The following PBX1 variants were observed in gnomAD, a reference collection of about 807,000 sequenced individuals.
The protein encoded by PBX1 is PBX homeobox 1, also known as pre-B-cell leukemia transcription factor 1.
Under a neutral mutation model 53.4 loss-of-function variants are expected in PBX1, and 6 were observed. The ratio of observed to expected loss-of-function variants is 0.11; its 90% CI spans 0.06 to 0.22. The LOEUF (loss-of-function observed/expected upper bound fraction) is 0.22. Ranked by LOEUF, PBX1 falls within the 10% of genes least tolerant of loss-of-function variation. The probability of loss-of-function intolerance (pLI) is 1.00; values close to 1 mark genes in which losing one functional copy is unlikely to be tolerated. For synonymous variants in PBX1, 204 were observed against 212.3 expected (o/e 0.96, Z 0.34); for missense variants, 251 against 551.4 (o/e 0.46, Z 5.46).
intron 2 of PBX1, among the ~76,000 whole-genome samples, chr1:164,861,685 G>A (rs1482602509): frequency 6.6e-6 from 1 of 152,078 alleles, no homozygotes; most frequent in South Asian, 2.1e-4. Flanking sequence ...GGTAAGAAAG[G>A]AGGGTAGAAG....
intron 5 of PBX1, 143 bp downstream of exon 5, chr1:164,807,820 T>G: frequency 1.1e-6 from 1 of 914,010 alleles, no homozygotes; most frequent in Non-Finnish European, 1.6e-6. Context: ...GGTAAGCACT[T>G]GATGTGTATG....
intron 2 of PBX1, chr1:164,771,119 T>C (rs1667347250): frequency 6.6e-6 from 1 of 152,086 alleles, no homozygotes; most frequent in Non-Finnish European, 1.5e-5. Flanking sequence ...CGCCAGGGGA[T>C]TTCAGTGTTT....
intron 7 of PBX1, among the ~76,000 whole-genome samples, chr1:164,820,830 CA>C (rs916805851): frequency 1.3e-5 from 2 of 152,122 alleles, no homozygotes; most frequent in Non-Finnish European, 2.9e-5. Flanking sequence ...CAGCATGAAA[CA>C]TGTTGTGAGA....
At chr1:164,660,731 G>T (rs1411964236) in intron 2 of PBX1, among the ~76,000 whole-genome samples, 1 of 152,154 alleles carries the variant, frequency 6.6e-6, no homozygotes, top group African/African-American at 2.4e-5. Context: ...GCCTTTGCTA[G>T]TCATTGAGGT....
intron 2 of PBX1, among the ~76,000 whole-genome samples, chr1:164,664,824 G>A (rs1233258514): frequency 1.3e-5 from 2 of 152,172 alleles, no homozygotes; most frequent in South Asian, 2.1e-4. Context: ...AATACTGTCA[G>A]ATCTCGTGAG....
Position 164,812,052 on chromosome 1 carries a change from G to A in PBX1, c.900G>A (p.Glu300=), listed in dbSNP as rs764232094. The A allele has an allele frequency of 1.9e-5, 31 of 1,613,664 alleles. No homozygotes were observed. The highest frequency in any genetic ancestry group is 6.8e-6 in the Non-Finnish European group (8 of 1,179,824). The change falls in exon 6 of 9, where the codon GAG becomes GAA. Residue 300 remains glutamate (E), a synonymous_variant. Coordinates refer to ENST00000420696, the MANE Select transcript of PBX1 (RefSeq NM_002585.4). ...RYKKNIGKFQ[E]EANIYAAKTA... is the part of the protein sequence containing the mutation. Reference sequence around the variant, plus strand: ...AGAAGAACATAGGTAAATTTCAAGAGGAAGCCAATATTTATGCTGCCAAAA... The same window carrying A: ...AGAAGAACATAGGTAAATTTCAAGAAGAAGCCAATATTTATGCTGCCAAAA...
At chr1:164,596,699 A>AT (rs1437670358) in intron 2 of PBX1, among the ~76,000 whole-genome samples, 1 of 152,180 alleles carries the variant, frequency 6.6e-6, no homozygotes, top group East Asian at 1.9e-4. Context: ...TAGACACAGC[A>AT]TTTAACTTTT....
At chr1:164,603,929 ATTTTTTTTTTTTTTTT>A (rs71583414) in intron 2 of PBX1, among the ~76,000 whole-genome samples, 10 of 75,738 alleles carry the variant, frequency 1.3e-4, no homozygotes, top group East Asian at 6.3e-4. Context: ...ATGTCATTTC[ATTTTTTTTTTTTTTTT>A]TTTTTTTTTT....
At chr1:164,721,343 T>C (rs936972380) in intron 2 of PBX1, among the ~76,000 whole-genome samples, 1 of 152,044 alleles carries the variant, frequency 6.6e-6, no homozygotes, top group South Asian at 2.1e-4. Flanking sequence ...GGCTTTCTAC[T>C]TGATTCTCAG....
At chr1:164,717,685 G>C (rs140027179) in intron 2 of PBX1, among the ~76,000 whole-genome samples, 1 of 152,198 alleles carries the variant, frequency 6.6e-6, no homozygotes, top group African/African-American at 2.4e-5. Context: ...ATGAAACAAA[G>C]CATTTATTTC....
chr1:164,750,303 C>T (rs1459261362), intron 2 of PBX1, among the ~76,000 whole-genome samples: 9 of 152,000 alleles, frequency 5.9e-5, no homozygotes, highest in East Asian at 1.9e-4. Context: ...AGTATTTAGA[C>T]CCCATTAGTG....
chr1:164,701,372 C>T (rs1263584323), intron 2 of PBX1, among the ~76,000 whole-genome samples: 2 of 152,194 alleles, frequency 1.3e-5, no homozygotes, highest in Admixed American at 1.3e-4. Flanking sequence ...AGTGCCACTC[C>T]AGTTTCAGAA....
chr1:164,787,222 C>A (rs961800275), intron 2 of PBX1, among the ~76,000 whole-genome samples: 1 of 152,122 alleles, frequency 6.6e-6, no homozygotes, highest in African/African-American at 2.4e-5. Flanking sequence ...TTGCACACAC[C>A]GTTGGGAGGC....
chr1:164,671,413 G>A (rs1318296335), intron 2 of PBX1, among the ~76,000 whole-genome samples: 1 of 152,146 alleles, frequency 6.6e-6, no homozygotes, highest in Non-Finnish European at 1.5e-5. Context: ...ACTGCACGTT[G>A]ACATTAAAGA....
intron 2 of PBX1, among the ~76,000 whole-genome samples, chr1:164,644,592 G>A (rs1659341276): frequency 6.6e-6 from 1 of 151,582 alleles, no homozygotes; most frequent in Non-Finnish European, 1.5e-5. Flanking sequence ...TGGAGATAAA[G>A]TTGGAAGTTA....
intron 2 of PBX1, among the ~76,000 whole-genome samples, chr1:164,792,100 C>G (rs1432699643): frequency 6.6e-6 from 1 of 152,102 alleles, no homozygotes; most frequent in Non-Finnish European, 1.5e-5. Context: ...GCCGAATTTA[C>G]CATTTTAAAC....
chr1:164,788,386 G>GT lies in PBX1; in HGVS notation c.266-4093dup, dbSNP rs59857388. On this transcript the variant is annotated intron_variant, in intron 2 of 8. Coordinates refer to ENST00000420696, the MANE Select transcript of PBX1 (RefSeq NM_002585.4). ...TTTCATTTATTTATTTAATGTTGGT[G>GT]TTTTTTTTTTTTTTTAACCGCCGAG... Among the ~76,000 whole-genome samples, 402 of 140,230 alleles carry GT rather than the reference G, an allele frequency of 2.9e-3. 1 individual carries two copies. Among genetic ancestry groups the GT allele is most frequent in the South Asian group, 0.018 (77 of 4,302 alleles). The allele number at this position is 140,230 out of a possible 152,430, so 92.0% of individuals were successfully genotyped here. A position where few individuals can be genotyped will look rare whatever the true frequency, so the allele number is the denominator to read the frequency against.
At chr1:164,671,790 G>C (rs1026955201) in intron 2 of PBX1, among the ~76,000 whole-genome samples, 1 of 152,134 alleles carries the variant, frequency 6.6e-6, no homozygotes, top group Non-Finnish European at 1.5e-5. Context: ...TGAGGGTTTT[G>C]TGTGAGTGTG....
At chr1:164,767,431 G>A (rs1019979240) in intron 2 of PBX1, among the ~76,000 whole-genome samples, 1 of 152,158 alleles carries the variant, frequency 6.6e-6, no homozygotes, top group Non-Finnish European at 1.5e-5. Context: ...ATCAGAGAGT[G>A]CGCTGGAGGC....
Sources: gnomAD v4.1 joint callset for allele counts (sites outside exome capture counted in the v4.1 genomes callset) on GRCh38, gnomAD v4.1.1 for gene constraint, MANE v1.5 for transcripts, NCBI Gene and HGNC (gene_info 2026-07-23, HGNC 2026-07-21) for gene names.